ALG8: variants seen among roughly 807,000 people sequenced by gnomAD.
ALG8 encodes the protein ALG8 alpha-1,3-glucosyltransferase, also known as dolichyl pyrophosphate Glc1Man9GlcNAc2 alpha-1,3-glucosyltransferase.
A neutral mutation model predicts 70.2 loss-of-function variants in ALG8; 48 were observed. The ratio of observed to expected loss-of-function variants is 0.68; its 90% CI spans 0.54 to 0.87. The LOEUF (loss-of-function observed/expected upper bound fraction) is 0.87. Among genes scored for constraint, ALG8 ranks in the 40% least tolerant of loss-of-function variants. The pLI is 0.00. For synonymous variants in ALG8, 234 were observed against 229.0 expected (o/e 1.02, Z -0.20); for missense variants, 572 against 608.7 (o/e 0.94, Z 0.64).
At chr11:78,112,404 T>C in intron 8 of ALG8, 1 of 451,216 alleles carries the variant, frequency 2.2e-6, no homozygotes, top group South Asian at 2.1e-5. Flanking sequence ...ACATATTTTA[T>C]TTTTTCCCCA....
At chr11:78,114,514 C>T (rs1186354001) in intron 5 of ALG8, 122 bp from the exon 6 acceptor site, 1 of 1,151,066 alleles carries the variant, frequency 8.7e-7, no homozygotes, top group Admixed American at 2.0e-5. Flanking sequence ...GGGTGAAATT[C>T]AAATGCATCA....
At chr11:78,114,803 A>AAAAAAAT in intron 5 of ALG8, 1 of 363,664 alleles carries the variant, frequency 2.7e-6, no homozygotes, top group South Asian at 2.2e-5. Context: ...CTGTCTCTAC[A>AAAAAAAT]AAAAAATAAA....
Position 78,109,435 on chromosome 11 carries a change from T to A in ALG8, c.1038+7A>T, listed in dbSNP as rs763981094. ...CAAGAAATGAGCACCATCTGTTGAGTTCTTACCAATATGGCAATCAGTGTG... is the reference window on the plus strand; with the variant it reads ...CAAGAAATGAGCACCATCTGTTGAGATCTTACCAATATGGCAATCAGTGTG... On this transcript the variant is annotated splice_region_variant and intron_variant, in intron 9 of 12. Coordinates refer to ENST00000299626, the MANE Select transcript of ALG8 (RefSeq NM_024079.5). 3.7e-6 allele frequency: 6 copies of A among 1,613,994 alleles called. No individual in the cohort carries two copies. The Admixed American group carries it at 8.3e-5, about 22-fold the overall frequency.
Position 78,124,173 on chromosome 11 carries a change from T to A in ALG8, c.216A>T (p.Ala72=), listed in dbSNP as rs755626284. The A allele has an allele frequency of 4.3e-6, 7 of 1,613,964 alleles. No individual in the cohort carries two copies. In the African/African-American group the frequency reaches 9.3e-5, roughly 22 times the overall value. Residue 72 remains alanine, a synonymous_variant, in exon 3 of 13, where the codon GCA becomes GCT. Coordinates refer to ENST00000299626, the MANE Select transcript of ALG8 (RefSeq NM_024079.5). ...CATGTGACAGGATATACTCAAACCA[T>A]GCAAAGAAAGGGGGGTAATCCAACG... is the stretch of plus-strand genomic sequence containing the variant. ...EWTLDYPPFF[A]WFEYILSHVA... is the part of the protein sequence containing the mutation.
chr11:78,101,060 G>GGT lies in ALG8; in HGVS notation c.1483_1484dup (p.Ser496ProfsTer7), dbSNP rs1565341408. The GGT allele has an allele frequency of 1.2e-6, 2 of 1,614,190 alleles. No individual in the cohort carries two copies. The highest frequency in any genetic ancestry group is 1.7e-6 in the Non-Finnish European group (2 of 1,180,026). ...TGATGCCTACTGCACAATACACTGA[G>GGT]GTTAGTAACAAAGGGATGAAGGGGT... On this transcript the variant is annotated frameshift_variant, in exon 13 of 13. Coordinates refer to ENST00000299626, the MANE Select transcript of ALG8 (RefSeq NM_024079.5). LOFTEE classifies it high-confidence loss of function.
rs745780249 is a variant in ALG8 at position 78,101,112 on chromosome 11, A to G, written c.1433T>C (p.Phe478Ser). ...GPLEVCCEFVFPFTSWKVKYP... is the reference protein window; with the variant it reads ...GPLEVCCEFVSPFTSWKVKYP... ...CTTCACCTTCCAGGAGGTGAAAGGG[A>G]ATACAAATTCACAGCAGACTTCCAG... The change falls in exon 13 of 13, where the codon TTC (phenylalanine) becomes TCC (serine). Residue 478 changes from phenylalanine (F) to serine (S), a missense_variant. Coordinates refer to ENST00000299626, the MANE Select transcript of ALG8 (RefSeq NM_024079.5). 2 of 1,614,114 alleles carry G rather than the reference A, an allele frequency of 1.2e-6. No homozygotes were observed. Among genetic ancestry groups the G allele is most frequent in the Non-Finnish European group, 1.7e-6 (2 of 1,180,050 alleles).
At chr11:78,108,275 G>C (rs897008491) in intron 9 of ALG8, among the ~76,000 whole-genome samples, 1 of 151,754 alleles carries the variant, frequency 6.6e-6, no homozygotes, top group African/African-American at 2.4e-5. Context: ...CAAGACTCCC[G>C]TCTCAAAAAA....
rs57228944 is a variant in ALG8 at position 78,107,198 on chromosome 11, A to AATATAT, written c.1039-258_1039-253dup. Among the ~76,000 whole-genome samples the AATATAT allele has an allele frequency of 0.029, 4,195 of 143,744 alleles. 59 individuals carry two copies. The highest frequency in any genetic ancestry group is 0.046 in the East Asian group (223 of 4,816). 94.3% of individuals were successfully genotyped at this position (143,744 alleles called of 152,430 possible). ...TGTAAATAAATATATTTTATATGTA[A>AATATAT]ATATATATATATATATATATATATA... On this transcript the variant is annotated intron_variant, in intron 9 of 12. Transcript: ENST00000299626.
intron 1 of ALG8, chr11:78,135,330 G>A (rs1165849170): frequency 6.6e-6 from 1 of 150,414 alleles, no homozygotes; most frequent in African/African-American, 2.5e-5. Context: ...ACTACAGCCT[G>A]AGAGGCAGAG....
At chr11:78,112,322 A>G (rs1860326542) in intron 8 of ALG8, 1 of 342,488 alleles carries the variant, frequency 2.9e-6, no homozygotes, top group South Asian at 2.4e-5. Context: ...GAAGGGGGGA[A>G]AAAAAGCAGG....
intron 5 of ALG8, among the ~76,000 whole-genome samples, chr11:78,117,927 C>T (rs1422330244): frequency 2.0e-5 from 3 of 151,488 alleles, no homozygotes; most frequent in Admixed American, 1.3e-4. Flanking sequence ...AAAAATTAGC[C>T]GGGCGTGGTG....
chr11:78,110,715 T>A (rs1860248100), intron 8 of ALG8, among the ~76,000 whole-genome samples: 1 of 152,210 alleles, frequency 6.6e-6, no homozygotes. Flanking sequence ...AGAGACAGTT[T>A]GAGCACCTAT....
rs139699905 is a variant in ALG8 at position 78,109,182 on chromosome 11, T to C, written c.1038+260A>G. On this transcript the variant is annotated intron_variant, in intron 9 of 12. Transcript: ENST00000299626. Reference sequence around the variant, plus strand: ...TCCATGCCTCTTCCTCTCTGGGCTTTTCTTTTTCCCTTCCCCCGGGTGAAC... The same window carrying C: ...TCCATGCCTCTTCCTCTCTGGGCTTCTCTTTTTCCCTTCCCCCGGGTGAAC... Among the ~76,000 whole-genome samples the C allele has an allele frequency of 9.4e-3, 1,436 of 152,304 alleles. 25 individuals are homozygous for C. Among genetic ancestry groups the C allele is most frequent in the African/African-American group, 0.032 (1,331 of 41,554 alleles).
At chr11:78,132,926 T>C (rs1230356603) in intron 1 of ALG8, among the ~76,000 whole-genome samples, 2 of 150,494 alleles carry the variant, frequency 1.3e-5, no homozygotes, top group African/African-American at 2.4e-5. Context: ...AAGCTCCGCC[T>C]TCCGGGTTCA....
At chr11:78,127,494 T>C (rs367544142) in intron 1 of ALG8, 58 bp from the exon 2 acceptor site, 1 of 1,448,248 alleles carries the variant, frequency 6.9e-7, no homozygotes, top group East Asian at 2.3e-5. Flanking sequence ...CAATTTCTAA[T>C]TCCCATAGTT....
rs1405296626 is a variant in ALG8 at position 78,112,762 on chromosome 11, C to T, written c.786G>A (p.Leu262=). The T allele has an allele frequency of 3.1e-6, 5 of 1,613,478 alleles. No homozygotes were observed. In the African/African-American group the frequency reaches 6.7e-5, roughly 22 times the overall value. The change falls in exon 8 of 13, where the codon CTG becomes CTA. Residue 262 remains leucine (L), a synonymous_variant. Coordinates refer to ENST00000299626, the MANE Select transcript of ALG8 (RefSeq NM_024079.5). ...SLGPFLALNQ[L]PQVFSRLFPF... ...GAAAGAGTCGGGAAAAGACTTGAGGCAGCTGATTCTGTTGAAAAGAGAAAT... is the reference window on the plus strand; with the variant it reads ...GAAAGAGTCGGGAAAAGACTTGAGGTAGCTGATTCTGTTGAAAAGAGAAAT...
chr11:78,134,446 G>A (rs1055326165), intron 1 of ALG8, among the ~76,000 whole-genome samples: 1 of 152,110 alleles, frequency 6.6e-6, no homozygotes, highest in Admixed American at 6.6e-5. Flanking sequence ...CAAGACTGTG[G>A]CAATTGCTTA....
chr11:78,133,460 T>C (rs1293709270), intron 1 of ALG8: 1 of 152,204 alleles, frequency 6.6e-6, no homozygotes, highest in African/African-American at 2.4e-5. Flanking sequence ...GCTATCCTTG[T>C]GCGTGGACCA....
At chr11:78,113,095 G>C (rs1860380895) in intron 7 of ALG8, among the ~76,000 whole-genome samples, 2 of 152,162 alleles carry the variant, frequency 1.3e-5, no homozygotes, top group South Asian at 4.1e-4. Context: ...GGAGAGCTGG[G>C]AAACTACAAA....
Sources: allele counts gnomAD v4.1 joint callset (sites outside exome capture counted in the v4.1 genomes callset), GRCh38; gene constraint gnomAD v4.1.1; transcripts MANE v1.5; gene names NCBI Gene and HGNC (gene_info 2026-07-23, HGNC 2026-07-21).